UTRN: variants seen among roughly 807,000 people sequenced by gnomAD.
UTRN encodes the protein dystrophin-related protein 1.
Under a neutral mutation model 463.9 loss-of-function variants are expected in UTRN, and 283 were observed. That is an observed-to-expected ratio of 0.61 (90% CI 0.55 to 0.67). The LOEUF is 0.67. UTRN is among the 30% of genes least tolerant of loss of function. The pLI, the probability that UTRN is intolerant of heterozygous loss-of-function variation, is 0.00. For synonymous variants in UTRN, 1,442 were observed against 1,431.5 expected (o/e 1.01, Z -0.17); for missense variants, 3,922 against 4,084.3 (o/e 0.96, Z 1.08).
At chr6:144,718,689 A>C (rs1167050736) in intron 53 of UTRN, among the ~76,000 whole-genome samples, 1 of 152,182 alleles carries the variant, frequency 6.6e-6, no homozygotes, top group Non-Finnish European at 1.5e-5. Context: ...GTCTGGTTTT[A>C]CTTTACCACA....
chr6:144,609,913 T>C (rs886367476), intron 51 of UTRN, among the ~76,000 whole-genome samples: 4 of 151,944 alleles, frequency 2.6e-5, no homozygotes, highest in Non-Finnish European at 5.9e-5. Flanking sequence ...CCAAAACTTA[T>C]GGGATGCAGC....
intron 65 of UTRN, among the ~76,000 whole-genome samples, chr6:144,807,649 G>A (rs1291605516): frequency 6.6e-6 from 1 of 152,084 alleles, no homozygotes; most frequent in Non-Finnish European, 1.5e-5. Context: ...CACTTTGTGT[G>A]TGAAATCTCT....
chr6:144,720,344 T>C (rs968429443), intron 53 of UTRN, among the ~76,000 whole-genome samples: 6 of 152,204 alleles, frequency 3.9e-5, no homozygotes, highest in African/African-American at 1.4e-4. Context: ...GGAGGATAAT[T>C]GGGAATCTCT....
intron 2 of UTRN, among the ~76,000 whole-genome samples, chr6:144,344,998 T>C (rs1777445432): frequency 6.6e-6 from 1 of 152,202 alleles, no homozygotes; most frequent in Non-Finnish European, 1.5e-5. Flanking sequence ...TTGTATGAGC[T>C]TTTGGAGGGG....
At chr6:144,574,686 T>C in intron 50 of UTRN, among the ~76,000 whole-genome samples, 1 of 152,014 alleles carries the variant, frequency 6.6e-6, no homozygotes, top group East Asian at 1.9e-4. Context: ...ATTCAAGCAA[T>C]TCTTACTGCC....
intron 53 of UTRN, among the ~76,000 whole-genome samples, chr6:144,727,925 TC>T (rs1188736654): frequency 6.6e-6 from 1 of 151,348 alleles, no homozygotes; most frequent in Admixed American, 6.6e-5. Flanking sequence ...CATGGTAAAA[TC>T]CCATCTCTAT....
In UTRN at chr6:144,514,003, A is replaced by G. The variant is rs149668799; in HGVS notation, c.5039A>G (p.Lys1680Arg). 1.9e-6 allele frequency: 3 copies of G among 1,614,028 alleles called. No individual in the cohort carries two copies. The highest frequency in any genetic ancestry group is 1.7e-6 in the Non-Finnish European group (2 of 1,179,930). ...GAAGCTCTATTGGATGAAATTGAAA[A>G]GAAACCAACAAGTAAACAGGAAGAA... is the stretch of plus-strand genomic sequence containing the variant. The part of the protein sequence containing the change: ...QAEALLDEIE[K>R]KPTSKQEEIV... Residue 1680 changes from lysine (K) to arginine (R), a missense_variant, in exon 36 of 75, where the codon AAG becomes AGG. Transcript: ENST00000367545.
At chr6:144,797,408 T>A (rs774908484) in intron 63 of UTRN, among the ~76,000 whole-genome samples, 1 of 152,174 alleles carries the variant, frequency 6.6e-6, no homozygotes, top group Non-Finnish European at 1.5e-5. Context: ...TTGCCTAGGC[T>A]GGTCTCAAAC....
chr6:144,522,848 A>T (rs1796226811), intron 40 of UTRN, among the ~76,000 whole-genome samples, 168 bp from the exon 41 acceptor site: 1 of 151,032 alleles, frequency 6.6e-6, no homozygotes, highest in East Asian at 1.9e-4. Context: ...CTTTGGTTAA[A>T]ACAGAGTATC....
intron 2 of UTRN, among the ~76,000 whole-genome samples, chr6:144,371,659 C>T (rs998557629): frequency 3.9e-5 from 6 of 152,184 alleles, no homozygotes; most frequent in East Asian, 1.9e-4. Context: ...CTGCCGTCCT[C>T]GGCCTCCCAA....
intron 2 of UTRN, among the ~76,000 whole-genome samples, chr6:144,309,164 A>G (rs1435224314): frequency 2.0e-5 from 3 of 151,974 alleles, no homozygotes; most frequent in Non-Finnish European, 2.9e-5. Flanking sequence ...TTTCCCACCC[A>G]TTATCTTTTG....
Position 144,577,282 on chromosome 6 carries a change from G to A in UTRN, c.7473G>A (p.Gln2491=). ...DSILARELKQ[Q]MQDIQAEIDA... ...TCTTGGCCAGGGAACTCAAACAGCA[G>A]ATGCAGGTAAGTGCATGGGAAACCA... Residue 2491 remains glutamine (Q), a synonymous_variant, in exon 51 of 75, where the codon CAG becomes CAA. Transcript: ENST00000367545. The A allele has an allele frequency of 6.2e-7, 1 of 1,613,630 alleles. No individual in the cohort carries two copies. The highest frequency in any genetic ancestry group is 8.5e-7 in the Non-Finnish European group (1 of 1,179,766).
intron 46 of UTRN, among the ~76,000 whole-genome samples, chr6:144,543,712 G>A (rs1333597749): frequency 6.6e-5 from 10 of 151,048 alleles, no homozygotes; most frequent in Admixed American, 6.6e-4. Flanking sequence ...TTTTTGGGAG[G>A]GTTCTTTTTA....
intron 2 of UTRN, among the ~76,000 whole-genome samples, chr6:144,354,456 T>A (rs1196572908): frequency 6.6e-6 from 1 of 152,192 alleles, no homozygotes; most frequent in Non-Finnish European, 1.5e-5. Flanking sequence ...CGTTCTAGAA[T>A]CCTGTTTTCA....
chr6:144,734,488 G>C (rs1278595881), intron 54 of UTRN, among the ~76,000 whole-genome samples: 1 of 152,118 alleles, frequency 6.6e-6, no homozygotes, highest in Non-Finnish European at 1.5e-5. Context: ...CCGTCACCCT[G>C]AGTCCATTCT....
At chr6:144,749,798 A>T (rs1791186209) in intron 55 of UTRN, among the ~76,000 whole-genome samples, 1 of 152,138 alleles carries the variant, frequency 6.6e-6, no homozygotes, top group African/African-American at 2.4e-5. Flanking sequence ...GAGAGGAAAA[A>T]TTTGAATTTC....
chr6:144,839,305 G>A (rs1781360906), intron 72 of UTRN, 21 bp downstream of exon 72: 3 of 1,584,806 alleles, frequency 1.9e-6, no homozygotes, highest in Admixed American at 1.7e-5. Context: ...CCAGCACACA[G>A]CTCCTCTGCT....
intron 62 of UTRN, 75 bp downstream of exon 62, chr6:144,789,354 A>G: frequency 2.4e-6 from 3 of 1,269,288 alleles, no homozygotes; most frequent in African/African-American, 3.1e-5. Context: ...GGAAACTTAA[A>G]TTATATAATT....
intron 3 of UTRN, among the ~76,000 whole-genome samples, chr6:144,419,430 C>T (rs953581472): frequency 7.9e-5 from 12 of 152,186 alleles, no homozygotes; most frequent in Non-Finnish European, 1.5e-4. Context: ...TGCACTTTCC[C>T]TCATCTGAAG....
Sources: allele counts gnomAD v4.1 joint callset (sites outside exome capture counted in the v4.1 genomes callset), GRCh38; gene constraint gnomAD v4.1.1; transcripts MANE v1.5; gene names NCBI Gene and HGNC (gene_info 2026-07-23, HGNC 2026-07-21).